The following ST18 variants were observed in gnomAD, a reference collection of about 807,000 sequenced individuals.
ST18 encodes the protein ST18 C2H2C-type zinc finger transcription factor, also known as suppression of tumorigenicity 18 protein.
ST18 carries 50 observed loss-of-function variants against 110.0 expected under a neutral mutation model. The ratio of observed to expected loss-of-function variants is 0.45; its 90% CI spans 0.36 to 0.58. ST18 has a LOEUF of 0.58. Ranked by LOEUF, ST18 falls within the 20% of genes least tolerant of loss-of-function variation. The pLI is 0.00. For missense variants in ST18, 1,306 were observed against 1,280.1 expected (o/e 1.02, Z -0.31); for synonymous variants, 461 against 452.4 (o/e 1.02, Z -0.24).
At chr8:52,211,813 T>C (rs2082269772) in intron 8 of ST18, among the ~76,000 whole-genome samples, 1 of 152,156 alleles carries the variant, frequency 6.6e-6, no homozygotes, top group Non-Finnish European at 1.5e-5. Flanking sequence ...ATCACATGCT[T>C]GATGAAGAAA....
chr8:52,315,513 T>C (rs1200801804), intron 2 of ST18, among the ~76,000 whole-genome samples: 1 of 152,192 alleles, frequency 6.6e-6, no homozygotes, highest in Non-Finnish European at 1.5e-5. Context: ...TGGCTTGTTG[T>C]TTTTTCATCT....
intron 15 of ST18, among the ~76,000 whole-genome samples, chr8:52,156,307 A>G (rs1282412340): frequency 6.6e-6 from 1 of 152,254 alleles, no homozygotes. Flanking sequence ...CTAATATACC[A>G]AAAGTGCTCA....
At chr8:52,353,545 G>C (rs1466401632) in intron 2 of ST18, among the ~76,000 whole-genome samples, 2 of 152,102 alleles carry the variant, frequency 1.3e-5, no homozygotes, top group African/African-American at 4.8e-5. Context: ...AAATGTATGA[G>C]CAACTAGGAA....
At chr8:52,274,039 T>C (rs2095159755) in intron 2 of ST18, among the ~76,000 whole-genome samples, 1 of 152,192 alleles carries the variant, frequency 6.6e-6, no homozygotes, top group Non-Finnish European at 1.5e-5. Context: ...GTGTATCCTC[T>C]CTACACTGAA....
chr8:52,188,349 A>T (rs1042039018), intron 8 of ST18, among the ~76,000 whole-genome samples: 1 of 152,210 alleles, frequency 6.6e-6, no homozygotes, highest in East Asian at 1.9e-4. Flanking sequence ...GAGAAAATGC[A>T]GAAACAGTGG....
chr8:52,384,944 C>T (rs929315433), intron 2 of ST18, among the ~76,000 whole-genome samples: 1 of 152,114 alleles, frequency 6.6e-6, no homozygotes, highest in Non-Finnish European at 1.5e-5. Context: ...TGAAAGAAAT[C>T]GGCAGCACTT....
chr8:52,114,377 A>C (rs1282168810), intron 25 of ST18, among the ~76,000 whole-genome samples: 1 of 152,170 alleles, frequency 6.6e-6, no homozygotes, highest in Non-Finnish European at 1.5e-5. Flanking sequence ...AACGGAATGA[A>C]TGTCACAAGG....
At chr8:52,155,989 A>G (rs1040555878) in intron 15 of ST18, among the ~76,000 whole-genome samples, 2 of 152,146 alleles carry the variant, frequency 1.3e-5, no homozygotes, top group African/African-American at 4.8e-5. Context: ...CTCATTGTGT[A>G]AAGGAAAGAA....
chr8:52,131,365 A>G (rs867403906), intron 22 of ST18, among the ~76,000 whole-genome samples: 1 of 152,218 alleles, frequency 6.6e-6, no homozygotes, highest in Non-Finnish European at 1.5e-5. Flanking sequence ...CTGTTGCCCA[A>G]GAAAGGGCTT....
At chr8:52,156,740 C>T (rs953605094) in intron 15 of ST18, among the ~76,000 whole-genome samples, 7 of 152,172 alleles carry the variant, frequency 4.6e-5, no homozygotes, top group African/African-American at 1.7e-4. Flanking sequence ...AATGTGTGCA[C>T]GTGCGTGTGT....
At chr8:52,198,163 C>T (rs955673682) in intron 8 of ST18, among the ~76,000 whole-genome samples, 5 of 152,202 alleles carry the variant, frequency 3.3e-5, no homozygotes, top group East Asian at 1.9e-4. Context: ...CCCACCACCA[C>T]GCCTGGCTAA....
chr8:52,177,109 T>C (rs1011376097), intron 9 of ST18, among the ~76,000 whole-genome samples: 3 of 152,190 alleles, frequency 2.0e-5, no homozygotes, highest in Non-Finnish European at 4.4e-5. Context: ...GCTTGGTTAA[T>C]CTTCCTTCCG....
intron 22 of ST18, 110 bp from the exon 23 acceptor site, chr8:52,126,250 A>G (rs899960366): frequency 2.9e-6 from 3 of 1,019,444 alleles, no homozygotes; most frequent in Admixed American, 2.2e-5. Context: ...GATTAATTAC[A>G]TTATAACCCA....
At chr8:52,190,430 G>A (rs2074084714) in intron 8 of ST18, among the ~76,000 whole-genome samples, 1 of 152,010 alleles carries the variant, frequency 6.6e-6, no homozygotes, top group Admixed American at 6.6e-5. Flanking sequence ...ATTAACCAGT[G>A]TGGACCCTAC....
intron 2 of ST18, among the ~76,000 whole-genome samples, chr8:52,355,854 A>G (rs533746413): frequency 5.9e-5 from 9 of 152,112 alleles, no homozygotes; most frequent in African/African-American, 1.2e-4. Context: ...CCCTGCACAA[A>G]TGGAACAGGG....
chr8:52,346,089 C>T (rs974100041), intron 2 of ST18, among the ~76,000 whole-genome samples: 4 of 151,278 alleles, frequency 2.6e-5, no homozygotes, highest in African/African-American at 4.8e-5. Context: ...AACTAAAAAC[C>T]CCAAATAATA....
chr8:52,360,107 AAT>A (rs1174177760), intron 2 of ST18, among the ~76,000 whole-genome samples: 4 of 152,102 alleles, frequency 2.6e-5, no homozygotes, highest in African/African-American at 4.8e-5. Context: ...AGTTAAGGAA[AAT>A]ATTTTGGAGA....
chr8:52,223,548 G>T (rs2087836454), intron 3 of ST18, among the ~76,000 whole-genome samples: 1 of 151,746 alleles, frequency 6.6e-6, no homozygotes, highest in South Asian at 2.1e-4. Context: ...GGAGGCTGAG[G>T]CACAAGAATC....
chr8:52,300,924 C>A (rs2095711331), intron 2 of ST18, among the ~76,000 whole-genome samples: 1 of 152,246 alleles, frequency 6.6e-6, no homozygotes, highest in East Asian at 1.9e-4. Context: ...TAGAGACTCA[C>A]AATACACATT....
Sources: allele counts gnomAD v4.1 joint callset (sites outside exome capture counted in the v4.1 genomes callset), GRCh38; gene constraint gnomAD v4.1.1; transcripts MANE v1.5; gene names NCBI Gene and HGNC (gene_info 2026-07-23, HGNC 2026-07-21).